PI4KA: variants seen among roughly 807,000 people sequenced by gnomAD.
PI4KA encodes the protein phosphatidylinositol 4-kinase alpha, also known as PI4-kinase alpha.
In PI4KA, 122 loss-of-function variants were observed where a neutral mutation model predicts 271.4. The observed-to-expected ratio is 0.45, with a 90% confidence interval of 0.39 to 0.52. The LOEUF (loss-of-function observed/expected upper bound fraction) is 0.52, where lower values mean the gene tolerates loss of function less well. Among genes scored for constraint, PI4KA ranks in the 20% least tolerant of loss-of-function variants. The pLI, the probability that PI4KA is intolerant of heterozygous loss-of-function variation, is 0.00. For missense variants in PI4KA, 1,969 were observed against 2,769.1 expected (o/e 0.71, Z 6.48); for synonymous variants, 1,041 against 1,078.8 (o/e 0.96, Z 0.69).
At chr22:20,846,138 C>T (rs1359121947) in intron 1 of PI4KA, among the ~76,000 whole-genome samples, 1 of 151,250 alleles carries the variant, frequency 6.6e-6, no homozygotes, top group Non-Finnish European at 1.5e-5. Flanking sequence ...GTGGCGGGTG[C>T]CTGTAGTCCC....
chr22:20,795,545 C>A (rs1176022483), intron 18 of PI4KA, among the ~76,000 whole-genome samples: 1 of 152,154 alleles, frequency 6.6e-6, no homozygotes, highest in Non-Finnish European at 1.5e-5. Flanking sequence ...TACTAAAACT[C>A]TTCTGTTCAA....
At chr22:20,715,156 C>T (rs370534276) in intron 45 of PI4KA, among the ~76,000 whole-genome samples, 139 of 151,994 alleles carry the variant, frequency 9.1e-4, no homozygotes, top group African/African-American at 3.0e-3. Flanking sequence ...CTGCAACCTC[C>T]GCCTCCCAGG....
At position 20,744,698 on chromosome 22, in the gene PI4KA, G is replaced by A; in HGVS notation, c.3386C>T (p.Pro1129Leu). ...GGAGTAGTCTTTCTTCACACAGGCC[G>A]GGCGCTCGCTCAGCTGAGTTGCCTA... ...TLGATQLSERPACVKKDYSNF... is the reference protein window; with the variant it reads ...TLGATQLSERLACVKKDYSNF... Residue 1129 changes from proline to leucine, a missense_variant, in exon 30 of 55, where the codon CCG (proline) becomes CTG (leucine). This residue lies in a region of PI4KA where 203 missense variants were observed against 256.8 expected (regional missense o/e 0.79). Transcript: ENST00000255882. 6.2e-7 allele frequency: 1 copy of A among 1,614,106 alleles called. No homozygotes were observed. Among genetic ancestry groups the A allele is most frequent in the Non-Finnish European group, 8.5e-7 (1 of 1,179,954 alleles).
chr22:20,846,852 A>G (rs1926325227), intron 1 of PI4KA, among the ~76,000 whole-genome samples: 1 of 148,514 alleles, frequency 6.7e-6, no homozygotes, highest in African/African-American at 2.5e-5. Flanking sequence ...AAAAAAAAAA[A>G]AAAAAGGGTG....
chr22:20,747,765 C>T (rs1408402478), intron 28 of PI4KA, 63 bp from the exon 29 acceptor site: 28 of 1,534,742 alleles, frequency 1.8e-5, no homozygotes, highest in Middle Eastern at 1.9e-4. Context: ...GGCAGGGTCT[C>T]GCTCTGTCAC....
chr22:20,771,251 G>A (rs1455609704), intron 19 of PI4KA, among the ~76,000 whole-genome samples: 2 of 152,036 alleles, frequency 1.3e-5, no homozygotes, highest in South Asian at 2.1e-4. Flanking sequence ...GGTGAAACCC[G>A]TCTCTACTAA....
chr22:20,831,697 G>C (rs1924197053), intron 3 of PI4KA, among the ~76,000 whole-genome samples: 1 of 152,156 alleles, frequency 6.6e-6, no homozygotes, highest in Admixed American at 6.6e-5. Flanking sequence ...CTGTTAGCCT[G>C]GTGGGACTCC....
chr22:20,855,144 C>T (rs1927435560), intron 1 of PI4KA, among the ~76,000 whole-genome samples: 1 of 113,700 alleles, frequency 8.8e-6, no homozygotes. Flanking sequence ...AAGAGTGAAA[C>T]TGTCTCAAAA....
Position 20,712,388 on chromosome 22 carries a change from G to A in PI4KA, c.5802+98C>T, listed in dbSNP as rs34276905. 6.1e-4 allele frequency: 958 copies of A among 1,560,288 alleles called. 8 individuals carry two copies. In the East Asian group the frequency reaches 0.02, roughly 33 times the overall value. On this transcript the variant is annotated intron_variant, in intron 50 of 54. Transcript: ENST00000255882. The stretch of plus-strand genomic sequence containing the variant: ...CTGGTTTTAACCCTTAACAAAGGAT[G>A]ACTGAGGAGAGCAGGGTGTGGGTGG...
chr22:20,802,839 A>T lies in PI4KA; in HGVS notation c.1591+352T>A, dbSNP rs143302846. The stretch of plus-strand genomic sequence containing the variant: ...AGCAGGTGTTTAATTAATTAATGTT[A>T]ATTATTGTTTCATCATATGTGGAAA... On this transcript the variant is annotated intron_variant, in intron 13 of 54. Coordinates refer to ENST00000255882, the MANE Select transcript of PI4KA (RefSeq NM_058004.4). Among the ~76,000 whole-genome samples, 13 of 152,256 alleles carry T rather than the reference A, an allele frequency of 8.5e-5. No homozygotes were observed. The East Asian group carries it at 2.5e-3, about 29-fold the overall frequency.
chr22:20,746,549 A>G (rs940311559), intron 29 of PI4KA, among the ~76,000 whole-genome samples: 1 of 152,188 alleles, frequency 6.6e-6, no homozygotes, highest in Non-Finnish European at 1.5e-5. Flanking sequence ...CTTTGCTCCT[A>G]CCACCCCCAA....
Position 20,761,335 on chromosome 22 carries a change from A to G in PI4KA, c.2760T>C (p.Phe920=), listed in dbSNP as rs1260351765. ...PDRFQVMFCY[F]EDKAIQKDKS... is the part of the protein sequence containing the mutation. ...TGTCTTTCTGAATAGCTTTATCCTC[A>G]AAGTAGCAGAACATTACCTGGAAGC... The change falls in exon 23 of 55, where the codon TTT becomes TTC. Residue 920 remains phenylalanine, a synonymous_variant. Transcript: ENST00000255882. 2.5e-6 allele frequency: 4 copies of G among 1,610,478 alleles called. No homozygotes were observed. In the Admixed American group the frequency reaches 5.0e-5, roughly 20 times the overall value.
chr22:20,761,435 C>T, intron 22 of PI4KA, 49 bp from the exon 23 acceptor site: 1 of 1,123,830 alleles, frequency 8.9e-7, no homozygotes, highest in South Asian at 1.2e-5. Context: ...TGGGCCCTCC[C>T]TATCACAGAT....
Position 20,824,433 on chromosome 22 carries a change from T to C in PI4KA, c.368-19A>G, listed in dbSNP as rs372259476. 6.4e-7 allele frequency: 1 copy of C among 1,572,272 alleles called. No individual in the cohort carries two copies. The highest frequency in any genetic ancestry group is 1.7e-5 in the Admixed American group (1 of 58,982). On this transcript the variant is annotated intron_variant, in intron 3 of 54. Transcript: ENST00000255882. ...AGGGCACCTGGAAGATGTAAAAACA[T>C]AAATCAGATAACCAGGAACCAGATA...
chr22:20,834,502 T>A, intron 3 of PI4KA, 60 bp downstream of exon 3: 1 of 1,018,738 alleles, frequency 9.8e-7, no homozygotes, highest in Non-Finnish European at 1.6e-6. Flanking sequence ...CACTTGATCC[T>A]ACAGACACTG....
At position 20,727,810 on chromosome 22, in the gene PI4KA, G is replaced by A; in HGVS notation, c.4737C>T (p.Asp1579=). The A allele has an allele frequency of 1.2e-6, 2 of 1,614,148 alleles. No homozygotes were observed. Among genetic ancestry groups the A allele is most frequent in the Non-Finnish European group, 1.7e-6 (2 of 1,180,006 alleles). Reference sequence around the variant, plus strand: ...CAGGCACATCACTAACGGCTCCCGGGTCCAACCGAACGAGACGGGTCACTT... The same window carrying A: ...CAGGCACATCACTAACGGCTCCCGGATCCAACCGAACGAGACGGGTCACTT... ...GNEVTRLVRL[D]PGAVSDVPEA... Residue 1579 remains aspartate, a synonymous_variant, in exon 40 of 55, where the codon GAC becomes GAT. Transcript: ENST00000255882.
intron 19 of PI4KA, among the ~76,000 whole-genome samples, chr22:20,781,805 C>T (rs1490150205): frequency 1.3e-5 from 2 of 152,204 alleles, no homozygotes; most frequent in African/African-American, 2.4e-5. Flanking sequence ...AGAGTCTAAG[C>T]GCTGGTTTCA....
chr22:20,799,839 T>C, intron 14 of PI4KA, 73 bp from the exon 15 acceptor site: 1 of 908,190 alleles, frequency 1.1e-6, no homozygotes, highest in South Asian at 1.6e-5. Context: ...TAATTTTTCC[T>C]TCCTTAGGCC....
chr22:20,801,873 G>A (rs1267426123), intron 14 of PI4KA, 100 bp downstream of exon 14: 24 of 1,307,432 alleles, frequency 1.8e-5, no homozygotes, highest in Admixed American at 9.3e-5. Flanking sequence ...GCAACAGAGC[G>A]AGACTCAATC....
Sources: allele counts gnomAD v4.1 joint callset (sites outside exome capture counted in the v4.1 genomes callset), GRCh38; gene constraint gnomAD v4.1.1; regional missense constraint gnomAD v4.1.1; transcripts MANE v1.5; gene names NCBI Gene and HGNC (gene_info 2026-07-23, HGNC 2026-07-21).